ATAD2: variants seen among roughly 807,000 people sequenced by gnomAD.
The protein encoded by ATAD2 is ATPase family AAA domain-containing protein 2.
Under a neutral mutation model 168.9 loss-of-function variants are expected in ATAD2, and 62 were observed. The observed-to-expected ratio is 0.37, with a 90% CI of 0.30 to 0.45. The LOEUF is 0.45. Ranked by LOEUF, ATAD2 falls within the 20% of genes least tolerant of loss-of-function variation. ATAD2 has a pLI of 1.00. For missense variants in ATAD2, 1,419 were observed against 1,667.8 expected (o/e 0.85, Z 2.60); for synonymous variants, 613 against 571.6 (o/e 1.07, Z -1.03).
At chr8:123,400,754 C>T (rs760042529), upstream of ATAD2, 40 of 779,922 alleles carry the variant, frequency 5.1e-5, no homozygotes, top group Middle Eastern at 3.5e-4. The surrounding 1 kb of genome is among the most constrained non-coding windows in gnomAD (Gnocchi z 4.5). Flanking sequence ...TGGAAGATCA[C>T]GCTGAAGACG....
chr8:123,395,347 T>TTTAAC (rs1403195050), intron 1 of ATAD2, among the ~76,000 whole-genome samples: 8 of 152,142 alleles, frequency 5.3e-5, no homozygotes, highest in Non-Finnish European at 7.4e-5. Context: ...ACTGCTCAGC[T>TTTAAC]TTAACTCTGC....
chr8:123,335,303 G>A (rs777370523), intron 22 of ATAD2, among the ~76,000 whole-genome samples: 6 of 152,152 alleles, frequency 3.9e-5, no homozygotes, highest in Non-Finnish European at 8.8e-5. Flanking sequence ...CATCTTGTTA[G>A]TCTGTTTCCT....
Position 123,339,372 on chromosome 8 carries a change from T to C in ATAD2, c.2793A>G (p.Lys931=). The C allele has an allele frequency of 1.9e-6, 3 of 1,601,264 alleles. No homozygotes were observed. The highest frequency in any genetic ancestry group is 2.6e-6 in the Non-Finnish European group (3 of 1,172,086). The change falls in exon 20 of 28, where the codon AAA becomes AAG. Residue 931 remains lysine (K), a synonymous_variant. Transcript: ENST00000287394. ...GTTTTAGAATTAAATCTTCAAAAAATTTTGTCCGTTCTTCTTTATCCGGTA... is the reference window on the plus strand; with the variant it reads ...GTTTTAGAATTAAATCTTCAAAAAACTTTGTCCGTTCTTCTTTATCCGGTA... The part of the protein sequence containing the change: ...VQLPDKEERT[K]FFEDLILKQA...
intron 1 of ATAD2, among the ~76,000 whole-genome samples, chr8:123,393,236 C>T (rs1298593478): frequency 2.0e-5 from 3 of 149,812 alleles, no homozygotes; most frequent in Non-Finnish European, 3.0e-5. Context: ...ATTGGTGGGG[C>T]GTGGTGGTTC....
intron 14 of ATAD2, 52 bp from the exon 15 acceptor site, chr8:123,348,325 C>T (rs1828321056): frequency 1.6e-6 from 2 of 1,241,758 alleles, no homozygotes; most frequent in Admixed American, 2.6e-5. Flanking sequence ...AAATGCTATT[C>T]AGATTACATT....
chr8:123,358,787 G>A (rs144587561), intron 11 of ATAD2, among the ~76,000 whole-genome samples: 2,496 of 142,086 alleles, frequency 0.018, 87 homozygotes, highest in African/African-American at 0.063. Flanking sequence ...GCTGGAATGC[G>A]GTGGCCCAAT....
intron 19 of ATAD2, among the ~76,000 whole-genome samples, chr8:123,340,324 G>A (rs892508194): frequency 3.3e-5 from 5 of 152,192 alleles, no homozygotes; most frequent in African/African-American, 4.8e-5. Context: ...CAGAAGGTAA[G>A]TGTGGGCTAC....
chr8:123,361,792 G>A (rs559710844), intron 8 of ATAD2, 146 bp from the exon 9 acceptor site: 31 of 560,130 alleles, frequency 5.5e-5, no homozygotes, highest in Non-Finnish European at 9.0e-5. Flanking sequence ...AACTTTGTTC[G>A]CTGAATCTTT....
intron 19 of ATAD2, among the ~76,000 whole-genome samples, chr8:123,341,626 T>C (rs1404687966): frequency 6.6e-6 from 1 of 152,238 alleles, no homozygotes; most frequent in African/African-American, 2.4e-5. Context: ...TAACAAAGTC[T>C]ACTATTACCA....
chr8:123,337,776 G>A lies in ATAD2; in HGVS notation c.2900C>T (p.Pro967Leu), dbSNP rs1246179447. Residue 967 changes from proline to leucine, a missense_variant, in exon 21 of 28, where the codon CCA (proline) becomes CTA (leucine). Physicochemically the swap from Pro to Leu is moderately conservative, Grantham distance 98 (BLOSUM62 -3). Transcript: ENST00000287394. ...CACTTCTTCTGCTGTCAGTGATCTT[G>A]GCTCAGGTGGTGGTGCTACTGGGAG... The part of the protein sequence containing the change: ...EVLPVAPPPE[P>L]RSLTAEEVKR... 8 of 1,612,366 alleles carry A rather than the reference G, an allele frequency of 5.0e-6. No individual in the cohort carries two copies. Among genetic ancestry groups the A allele is most frequent in the African/African-American group, 1.3e-5 (1 of 74,966 alleles).
chr8:123,379,672 T>A (rs1304759999), intron 2 of ATAD2, among the ~76,000 whole-genome samples: 1 of 151,444 alleles, frequency 6.6e-6, no homozygotes, highest in Admixed American at 6.6e-5. Flanking sequence ...AAGTGATTCT[T>A]CTGCCTCAGC....
rs773462294 is a variant in ATAD2 at position 123,396,394 on chromosome 8, GA to G, written c.-38del. ...ACTGGCCTCGGCGTGCGCGACCGGA[GA>G]GAGATCCAGCTCCAGGCGCTCGCAG... is the stretch of plus-strand genomic sequence containing the variant. On this transcript the variant is annotated 5_prime_UTR_variant, in exon 1 of 28. Coordinates refer to ENST00000287394, the MANE Select transcript of ATAD2 (RefSeq NM_014109.4). The G allele has an allele frequency of 3.3e-6, 5 of 1,524,586 alleles. No individual in the cohort carries two copies. The Admixed American group carries it at 9.8e-5, about 30-fold the overall frequency. 94.4% of individuals were successfully genotyped at this position (1,524,586 alleles called of 1,614,324 possible).
At chr8:123,326,160 TTC>T (rs1422065965) in intron 25 of ATAD2, 134 bp from the exon 26 acceptor site, 4 of 925,196 alleles carry the variant, frequency 4.3e-6, no homozygotes, top group Middle Eastern at 3.1e-4. Flanking sequence ...TATTAACTCA[TTC>T]TGTTATAAGA....
intron 22 of ATAD2, among the ~76,000 whole-genome samples, chr8:123,334,780 G>A (rs1827869259): frequency 6.6e-6 from 1 of 152,190 alleles, no homozygotes; most frequent in Non-Finnish European, 1.5e-5. Flanking sequence ...AAAATCCTAA[G>A]CTCAGAGTAT....
intron 9 of ATAD2, among the ~76,000 whole-genome samples, chr8:123,360,354 T>G (rs974898170): frequency 6.6e-6 from 1 of 152,204 alleles, no homozygotes; most frequent in Non-Finnish European, 1.5e-5. Context: ...TTTTGTCTTT[T>G]GGGTTTTTTC....
intron 11 of ATAD2, among the ~76,000 whole-genome samples, 195 bp downstream of exon 11, chr8:123,359,026 G>A (rs977269500): frequency 6.6e-6 from 1 of 151,898 alleles, no homozygotes; most frequent in African/African-American, 2.4e-5. Context: ...TTTATGATGG[G>A]GGGAAAGCTT....
intron 13 of ATAD2, 57 bp from the exon 14 acceptor site, chr8:123,349,501 T>C: frequency 2.0e-6 from 3 of 1,485,178 alleles, no homozygotes; most frequent in Non-Finnish European, 2.8e-6. Flanking sequence ...TCTATATCAT[T>C]CAGTAATATT....
At chr8:123,387,682 T>G (rs1001906431) in intron 1 of ATAD2, among the ~76,000 whole-genome samples, 1 of 152,192 alleles carries the variant, frequency 6.6e-6, no homozygotes, top group African/African-American at 2.4e-5. Context: ...ATGTTAGTAT[T>G]TTGTTAAATT....
At chr8:123,329,329 A>G (rs1397182908) in intron 24 of ATAD2, among the ~76,000 whole-genome samples, 2 of 152,116 alleles carry the variant, frequency 1.3e-5, no homozygotes, top group Non-Finnish European at 2.9e-5. Context: ...ATCTTGGCGC[A>G]CTACAACCCC....
Sources: gnomAD v4.1 joint callset for allele counts (sites outside exome capture counted in the v4.1 genomes callset) on GRCh38, gnomAD v4.1.1 for gene constraint, Gnocchi (gnomAD v3.1) non-coding constraint, MANE v1.5 for transcripts, NCBI Gene and HGNC (gene_info 2026-07-23, HGNC 2026-07-21) for gene names.